The following ZNF804A variants were observed in gnomAD, a reference collection of about 807,000 sequenced individuals.
ZNF804A encodes zinc finger protein 804A.
ZNF804A carries 2 observed loss-of-function variants against 16.5 expected under a neutral mutation model. The ratio of observed to expected loss-of-function variants is 0.12; its 90% CI spans 0.05 to 0.38. ZNF804A has a LOEUF of 0.38. Ranked by LOEUF, ZNF804A falls within the 10% of genes least tolerant of loss-of-function variation. The pLI, the probability that ZNF804A is intolerant of heterozygous loss-of-function variation, is 0.99. For synonymous variants in ZNF804A, 534 were observed against 489.6 expected (o/e 1.09, Z -1.20); for missense variants, 1,473 against 1,390.7 (o/e 1.06, Z -0.94).
intron 1 of ZNF804A, among the ~76,000 whole-genome samples, chr2:184,863,657 T>G (rs1271466653): frequency 6.6e-6 from 1 of 152,146 alleles, no homozygotes; most frequent in East Asian, 1.9e-4. Flanking sequence ...TCAACTAGTT[T>G]ACCATGAAAT....
chr2:184,776,074 C>T (rs2105771273), intron 1 of ZNF804A, among the ~76,000 whole-genome samples: 1 of 151,674 alleles, frequency 6.6e-6, no homozygotes, highest in African/African-American at 2.4e-5. Context: ...TTTAAAATGA[C>T]ACTGTAAATG....
chr2:184,864,124 G>T (rs1437967317), intron 1 of ZNF804A, among the ~76,000 whole-genome samples: 1 of 152,100 alleles, frequency 6.6e-6, no homozygotes, highest in African/African-American at 2.4e-5. Context: ...TCATGGTTCT[G>T]CAGGCTGTAC....
chr2:184,894,391 A>G (rs1685033736), intron 2 of ZNF804A, among the ~76,000 whole-genome samples: 1 of 152,106 alleles, frequency 6.6e-6, no homozygotes, highest in South Asian at 2.1e-4. Context: ...TTGAATACAT[A>G]TATTTTAATC....
intron 1 of ZNF804A, among the ~76,000 whole-genome samples, chr2:184,859,523 C>T (rs1695758908): frequency 6.6e-6 from 1 of 151,614 alleles, no homozygotes; most frequent in Admixed American, 6.6e-5. Flanking sequence ...ACTCATTTTT[C>T]TGTGTTTTGT....
chr2:184,598,804 G>A lies in ZNF804A; in HGVS notation c.-156G>A. 2.2e-6 allele frequency: 1 copy of A among 450,182 alleles called. No homozygotes were observed. The highest frequency in any genetic ancestry group is 3.8e-6 in the Non-Finnish European group (1 of 261,356). The allele number at this position is 450,182 out of a possible 1,614,324, so 27.9% of individuals were successfully genotyped here. ...GGGAGCCTCGGCGCTCACCACAGAG[G>A]GGTGCAGTGAGCCAGTCTCCAGAGG... On this transcript the variant is annotated 5_prime_UTR_variant, in exon 1 of 4. Coordinates refer to ENST00000302277, the MANE Select transcript of ZNF804A (RefSeq NM_194250.2).
chr2:184,694,663 A>T (rs1692791064), intron 1 of ZNF804A, among the ~76,000 whole-genome samples: 1 of 152,236 alleles, frequency 6.6e-6, no homozygotes, highest in Admixed American at 6.5e-5. Flanking sequence ...TCTCAGAAAT[A>T]GGATCACTGG....
chr2:184,710,404 C>G (rs1482311189), intron 1 of ZNF804A, among the ~76,000 whole-genome samples: 2 of 151,234 alleles, frequency 1.3e-5, no homozygotes, highest in Non-Finnish European at 3.0e-5. Context: ...AGAATTTATA[C>G]CATATATATA....
At position 184,669,764 on chromosome 2, in the gene ZNF804A, G is replaced by GCA. The variant is rs774466491; in HGVS notation, c.111+70710_111+70711dup. Among the ~76,000 whole-genome samples, 303 of 42,110 alleles carry GCA rather than the reference G, an allele frequency of 7.2e-3. 2 individuals carry two copies. Among genetic ancestry groups the GCA allele is most frequent in the African/African-American group, 0.017 (265 of 15,876 alleles). The allele number at this position is 42,110 out of a possible 152,430, so 27.6% of individuals were successfully genotyped here. ...CCACATCTCTCTCTCACACACACACGCACACACACACACACACTCAGAATA... is the reference window on the plus strand; with the variant it reads ...CCACATCTCTCTCTCACACACACACGCACACACACACACACACACTCAGAATA... On this transcript the variant is annotated intron_variant, in intron 1 of 3. Coordinates refer to ENST00000302277, the MANE Select transcript of ZNF804A (RefSeq NM_194250.2).
intron 1 of ZNF804A, among the ~76,000 whole-genome samples, chr2:184,683,258 T>C (rs1170901552): frequency 6.6e-6 from 1 of 152,242 alleles, no homozygotes; most frequent in Non-Finnish European, 1.5e-5. Context: ...TTTCATTTCA[T>C]GATTATTAAT....
At chr2:184,834,007 A>T (rs565679405) in intron 1 of ZNF804A, among the ~76,000 whole-genome samples, 24 of 152,024 alleles carry the variant, frequency 1.6e-4, no homozygotes, top group Non-Finnish European at 2.9e-4. Context: ...TTTTATATTA[A>T]ACTTCCACTC....
intron 1 of ZNF804A, among the ~76,000 whole-genome samples, chr2:184,794,415 G>A (rs75262418): frequency 0.011 from 1,678 of 151,966 alleles, 38 homozygotes; most frequent in African/African-American, 0.039. Flanking sequence ...TTTTTGATGG[G>A]ATTGTTTCTC....
intron 1 of ZNF804A, among the ~76,000 whole-genome samples, chr2:184,779,089 C>T (rs750075502): frequency 2.0e-5 from 3 of 151,604 alleles, no homozygotes; most frequent in Non-Finnish European, 2.9e-5. Flanking sequence ...CTCTGGCTAC[C>T]ATAAGACATT....
At chr2:184,603,766 A>C (rs1691087498) in intron 1 of ZNF804A, among the ~76,000 whole-genome samples, 1 of 152,182 alleles carries the variant, frequency 6.6e-6, no homozygotes, top group Non-Finnish European at 1.5e-5. Flanking sequence ...CAAGCAGTCC[A>C]ATTATATATT....
chr2:184,674,944 A>G (rs959662944), intron 1 of ZNF804A, among the ~76,000 whole-genome samples: 4 of 151,852 alleles, frequency 2.6e-5, no homozygotes, highest in African/African-American at 9.6e-5. Context: ...TGAACATAAA[A>G]TAATGTCAGT....
intron 1 of ZNF804A, among the ~76,000 whole-genome samples, chr2:184,667,978 G>A (rs1212265357): frequency 5.3e-5 from 8 of 151,278 alleles, no homozygotes; most frequent in Non-Finnish European, 1.0e-4. Context: ...GTGATCTCTT[G>A]GATTGAAAAC....
chr2:184,640,641 G>A (rs941029721), intron 1 of ZNF804A, among the ~76,000 whole-genome samples: 1 of 152,034 alleles, frequency 6.6e-6, no homozygotes, highest in Non-Finnish European at 1.5e-5. Flanking sequence ...TATAATATCA[G>A]GTGAGGAGTT....
In ZNF804A at chr2:184,598,927, G is replaced by A. The variant is rs1407322935; in HGVS notation, c.-33G>A. 2.1e-6 allele frequency: 3 copies of A among 1,448,912 alleles called. No homozygotes were observed. Among genetic ancestry groups the A allele is most frequent in the Non-Finnish European group, 1.9e-6 (2 of 1,064,232 alleles). The allele number at this position is 1,448,912 out of a possible 1,614,324, so 89.8% of individuals were successfully genotyped here. A position where few individuals can be genotyped will look rare whatever the true frequency, so the allele number is the denominator to read the frequency against. ...CTGTGGGCGCGGGGTGCGTGGAAGC[G>A]GCGGCTGCGGCGGAGGAGGCGGCGG... On this transcript the variant is annotated 5_prime_UTR_variant, in exon 1 of 4. Coordinates refer to ENST00000302277, the MANE Select transcript of ZNF804A (RefSeq NM_194250.2).
intron 2 of ZNF804A, among the ~76,000 whole-genome samples, chr2:184,867,775 GT>G (rs1433705077): frequency 6.6e-6 from 1 of 152,012 alleles, no homozygotes; most frequent in Non-Finnish European, 1.5e-5. Context: ...TGTTACTGAC[GT>G]TTGTTTTATC....
At chr2:184,867,452 G>C (rs575013596) in intron 2 of ZNF804A, among the ~76,000 whole-genome samples, 1 of 151,948 alleles carries the variant, frequency 6.6e-6, no homozygotes, top group Admixed American at 6.6e-5. Context: ...CATGTTAAAC[G>C]ATAATGAACC....
Sources: gnomAD v4.1 joint callset for allele counts (sites outside exome capture counted in the v4.1 genomes callset) on GRCh38, gnomAD v4.1.1 for gene constraint, MANE v1.5 for transcripts, NCBI Gene and HGNC (gene_info 2026-07-23, HGNC 2026-07-21) for gene names.